Variants in SCD5 observed in about 807,000 individuals in gnomAD.
The protein encoded by SCD5 is stearoyl-CoA desaturase 5.
A neutral mutation model predicts 30.4 loss-of-function variants in SCD5; 20 were observed. The ratio of observed to expected loss-of-function variants is 0.66; its 90% CI spans 0.46 to 0.96. The LOEUF (loss-of-function observed/expected upper bound fraction) is 0.96. SCD5 is among the 40% of genes least tolerant of loss of function. The pLI is 0.00. For missense variants in SCD5, 381 were observed against 443.3 expected (o/e 0.86, Z 1.26); for synonymous variants, 173 against 176.4 (o/e 0.98, Z 0.16).
chr4:82,791,497 G>T (rs939481973), intron 1 of SCD5, among the ~76,000 whole-genome samples: 2 of 152,156 alleles, frequency 1.3e-5, no homozygotes, highest in East Asian at 3.8e-4. Context: ...GCTGGCTAGA[G>T]TGTCTCGCTC....
At chr4:82,664,999 C>CTCTCTCTATATA (rs1219554314) in intron 3 of SCD5, among the ~76,000 whole-genome samples, 94 of 70,472 alleles carry the variant, frequency 1.3e-3, no homozygotes, top group South Asian at 5.8e-3. Flanking sequence ...CTCTCTCTCT[C>CTCTCTCTATATA]TATATATATA....
chr4:82,784,281 G>A (rs916813461), intron 1 of SCD5, among the ~76,000 whole-genome samples: 1 of 152,138 alleles, frequency 6.6e-6, no homozygotes, highest in Non-Finnish European at 1.5e-5. Flanking sequence ...CAACGCTTCA[G>A]GTGATGGTTT....
At chr4:82,691,994 A>C (rs7698538) in intron 2 of SCD5, 121,778 of 152,266 alleles carry the variant, frequency 0.8, 48,916 homozygotes, top group Middle Eastern at 0.87. Context: ...CATGTTGTCC[A>C]TGTTGCTGAT....
At chr4:82,719,833 G>A (rs1419747318) in intron 1 of SCD5, among the ~76,000 whole-genome samples, 2 of 151,208 alleles carry the variant, frequency 1.3e-5, no homozygotes, top group Admixed American at 6.6e-5. Context: ...ACAGGGTCTC[G>A]CTCTGTCACC....
intron 1 of SCD5, among the ~76,000 whole-genome samples, chr4:82,756,368 T>G (rs1275443165): frequency 6.6e-6 from 1 of 152,200 alleles, no homozygotes; most frequent in Admixed American, 6.5e-5. Flanking sequence ...AGTTGGTTAC[T>G]TGCTAGCCAT....
intron 1 of SCD5, among the ~76,000 whole-genome samples, chr4:82,798,065 C>G (rs1179264966): frequency 6.1e-5 from 8 of 130,278 alleles, no homozygotes; most frequent in African/African-American, 2.3e-4. Flanking sequence ...CTTCCTCAGG[C>G]AGACCGCGGC....
At chr4:82,777,068 G>A (rs1267369958) in intron 1 of SCD5, among the ~76,000 whole-genome samples, 2 of 152,252 alleles carry the variant, frequency 1.3e-5, no homozygotes, top group African/African-American at 4.8e-5. Context: ...AAAACTGGAT[G>A]GATGAGGAGC....
At chr4:82,638,248 C>T (rs1035663579) in intron 3 of SCD5, among the ~76,000 whole-genome samples, 20 of 152,012 alleles carry the variant, frequency 1.3e-4, no homozygotes, top group African/African-American at 4.8e-4. Flanking sequence ...TACCCTTCTC[C>T]TATGCACAAT....
intron 1 of SCD5, among the ~76,000 whole-genome samples, chr4:82,730,396 AAG>A (rs1401528196): frequency 2.0e-5 from 3 of 150,458 alleles, no homozygotes; most frequent in East Asian, 1.9e-4. Context: ...TCCCGGGTTC[AAG>A]CAATTCTCCT....
chr4:82,738,728 T>C (rs545826571), intron 1 of SCD5, among the ~76,000 whole-genome samples: 16 of 152,342 alleles, frequency 1.1e-4, no homozygotes, highest in African/African-American at 3.8e-4. Flanking sequence ...ATTTCTCCAC[T>C]GTAGTAGATA....
At chr4:82,664,552 T>C (rs1728125719) in intron 3 of SCD5, among the ~76,000 whole-genome samples, 1 of 152,118 alleles carries the variant, frequency 6.6e-6, no homozygotes, top group South Asian at 2.1e-4. Flanking sequence ...GTAACTGCAA[T>C]GAACATGTTA....
chr4:82,730,713 G>A (rs1720622650), intron 1 of SCD5, among the ~76,000 whole-genome samples: 3 of 150,608 alleles, frequency 2.0e-5, no homozygotes, highest in Non-Finnish European at 4.4e-5. Flanking sequence ...AGCCTCCCGA[G>A]TAGCTGGGAC....
intron 1 of SCD5, among the ~76,000 whole-genome samples, chr4:82,762,220 G>A (rs1210524721): frequency 1.6e-5 from 2 of 124,324 alleles, no homozygotes; most frequent in Admixed American, 8.4e-5. Context: ...GAGAGGAGGG[G>A]AGGGGGAGAG....
At chr4:82,677,049 G>A (rs992534625) in intron 3 of SCD5, among the ~76,000 whole-genome samples, 3 of 152,208 alleles carry the variant, frequency 2.0e-5, no homozygotes, top group Non-Finnish European at 2.9e-5. Flanking sequence ...TTAGTAAGTT[G>A]TTATTAGAAT....
intron 3 of SCD5, among the ~76,000 whole-genome samples, chr4:82,658,462 A>G (rs1447089341): frequency 7.6e-6 from 1 of 130,898 alleles, no homozygotes; most frequent in African/African-American, 2.9e-5. Context: ...ATTGTGGTGG[A>G]TAAGCTTTTT....
At chr4:82,631,550 A>G (rs780664154) in intron 4 of SCD5, 33 bp from the exon 5 acceptor site, 4 of 1,603,570 alleles carry the variant, frequency 2.5e-6, no homozygotes, top group African/African-American at 1.3e-5. Flanking sequence ...ATATAATTCA[A>G]TCACCACCTC....
chr4:82,772,928 T>G (rs1721658648), intron 1 of SCD5, among the ~76,000 whole-genome samples: 1 of 152,172 alleles, frequency 6.6e-6, no homozygotes, highest in Non-Finnish European at 1.5e-5. Flanking sequence ...TTGTGATGCA[T>G]TCCAAAGATG....
intron 2 of SCD5, among the ~76,000 whole-genome samples, chr4:82,683,704 T>C (rs948907849): frequency 7.9e-5 from 12 of 152,330 alleles, no homozygotes; most frequent in African/African-American, 2.6e-4. Context: ...TGGGAGGTGA[T>C]TGGATCATAG....
chr4:82,730,917 C>T (rs1720630473), intron 1 of SCD5, among the ~76,000 whole-genome samples: 1 of 152,152 alleles, frequency 6.6e-6, no homozygotes. Context: ...ACAAAGAGCT[C>T]ACTCTCTTGA....
Sources: allele counts gnomAD v4.1 joint callset (sites outside exome capture counted in the v4.1 genomes callset), GRCh38; gene constraint gnomAD v4.1.1; transcripts MANE v1.5; gene names NCBI Gene and HGNC (gene_info 2026-07-23, HGNC 2026-07-21).